Variants in TMEM38B observed in about 807,000 individuals in gnomAD.
TMEM38B encodes transmembrane protein 38B.
Under a neutral mutation model 28.7 loss-of-function variants are expected in TMEM38B, and 24 were observed. The observed-to-expected ratio is 0.84, with a 90% confidence interval of 0.61 to 1.18. TMEM38B has a LOEUF of 1.18. TMEM38B is among the 50% of genes most tolerant of loss of function. TMEM38B has a pLI of 0.00. For synonymous variants in TMEM38B, 131 were observed against 127.7 expected (o/e 1.03, Z -0.17); for missense variants, 380 against 350.9 (o/e 1.08, Z -0.66).
intron 2 of TMEM38B, among the ~76,000 whole-genome samples, chr9:105,706,473 T>G (rs112986889): frequency 1.3e-3 from 200 of 152,282 alleles, no homozygotes; most frequent in African/African-American, 4.6e-3. Flanking sequence ...AGCTGGGCCT[T>G]GAATAAAGAC....
intron 2 of TMEM38B, among the ~76,000 whole-genome samples, chr9:105,713,845 C>A (rs761060994): frequency 6.6e-6 from 1 of 152,184 alleles, no homozygotes; most frequent in Non-Finnish European, 1.5e-5. Flanking sequence ...CCCATAAAAG[C>A]TCTGGGCTCA....
intron 5 of TMEM38B, among the ~76,000 whole-genome samples, chr9:105,753,027 C>T (rs913082834): frequency 2.0e-5 from 3 of 151,992 alleles, no homozygotes; most frequent in Non-Finnish European, 4.4e-5. Flanking sequence ...AATGCAATCA[C>T]GAGTATCAAC....
At chr9:105,754,892 C>T (rs1372428507) in intron 5 of TMEM38B, among the ~76,000 whole-genome samples, 2 of 151,998 alleles carry the variant, frequency 1.3e-5, no homozygotes, top group Non-Finnish European at 2.9e-5. Flanking sequence ...TAAAGAAAAA[C>T]AGAGAAGAAT....
chr9:105,740,541 C>G (rs926100959), intron 4 of TMEM38B, among the ~76,000 whole-genome samples: 4 of 152,094 alleles, frequency 2.6e-5, no homozygotes, highest in African/African-American at 9.7e-5. Flanking sequence ...GCTGGAATTA[C>G]AAGCGTGAGC....
At chr9:105,725,669 G>A (rs976162072) in intron 4 of TMEM38B, among the ~76,000 whole-genome samples, 2 of 152,006 alleles carry the variant, frequency 1.3e-5, no homozygotes, top group South Asian at 2.1e-4. Context: ...CAATTTTAAC[G>A]TAGTAGTAGG....
chr9:105,744,042 T>C (rs1837298934), intron 4 of TMEM38B, among the ~76,000 whole-genome samples: 1 of 152,134 alleles, frequency 6.6e-6, no homozygotes, highest in African/African-American at 2.4e-5. Flanking sequence ...CATTTTCTTT[T>C]TTTTTATTTT....
Position 105,728,889 on chromosome 9 carries a change from G to T in TMEM38B, c.542+6268G>T, listed in dbSNP as rs545138063. 3.9e-5 allele frequency among the ~76,000 whole-genome samples: 6 copies of T among 152,186 alleles called. No homozygotes were observed. In the South Asian group the frequency reaches 1.2e-3, roughly 32 times the overall value. On this transcript the variant is annotated intron_variant, in intron 4 of 5. Transcript: ENST00000374692. ...GCATTAATGTCTTCTTTTGAGAAGG[G>T]TCTGTTCATATCCTTTGCCCACTTT...
intron 1 of TMEM38B, among the ~76,000 whole-genome samples, chr9:105,696,396 C>T (rs1835290063): frequency 6.6e-6 from 1 of 152,186 alleles, no homozygotes; most frequent in Admixed American, 6.5e-5. Flanking sequence ...TTAAGCGATT[C>T]TCCTGCCTCA....
chr9:105,718,286 T>C (rs935254461), intron 2 of TMEM38B, among the ~76,000 whole-genome samples: 1 of 152,020 alleles, frequency 6.6e-6, no homozygotes, highest in African/African-American at 2.4e-5. Flanking sequence ...TTGCCTAGGC[T>C]GGAGTGCAAT....
intron 5 of TMEM38B, chr9:105,759,964 C>T: frequency 1.3e-6 from 2 of 1,563,156 alleles, no homozygotes; most frequent in Non-Finnish European, 1.8e-6. Flanking sequence ...AACAGCTATG[C>T]AAAGTGAACT....
At chr9:105,710,806 G>GAAGGCTGCGTGTCTC in intron 2 of TMEM38B, 1 of 437,846 alleles carries the variant, frequency 2.3e-6, no homozygotes. Context: ...TCCACTGGGT[G>GAAGGCTGCGTGTCTC]CACTAACGGG....
chr9:105,749,613 G>C (rs1382933191), intron 5 of TMEM38B, among the ~76,000 whole-genome samples: 1 of 149,428 alleles, frequency 6.7e-6, no homozygotes, highest in African/African-American at 2.5e-5. Flanking sequence ...TAATTGAATA[G>C]TTTTTTAGTA....
At chr9:105,759,395 C>G (rs947931969) in intron 5 of TMEM38B, 23 of 1,476,762 alleles carry the variant, frequency 1.6e-5, no homozygotes, top group Non-Finnish European at 2.0e-5. Context: ...GAATAAGATT[C>G]TACTGAGAGA....
chr9:105,702,108 C>T (rs1588384348), intron 1 of TMEM38B, among the ~76,000 whole-genome samples: 4 of 152,172 alleles, frequency 2.6e-5, no homozygotes, highest in African/African-American at 2.4e-5. Context: ...TCTAAAACTC[C>T]TTGAATTGTG....
At chr9:105,740,524 C>T (rs1837162577) in intron 4 of TMEM38B, among the ~76,000 whole-genome samples, 1 of 152,082 alleles carries the variant, frequency 6.6e-6, no homozygotes, top group Admixed American at 6.6e-5. Context: ...TCTTAGCCTC[C>T]CAAAGTGCTG....
chr9:105,758,956 TA>T, intron 5 of TMEM38B: 1 of 1,352,106 alleles, frequency 7.4e-7, no homozygotes, highest in Non-Finnish European at 1.1e-6. Flanking sequence ...GAAGAAGTCA[TA>T]AATCCAAAAC....
chr9:105,755,322 C>T (rs1837798323), intron 5 of TMEM38B, among the ~76,000 whole-genome samples: 1 of 152,046 alleles, frequency 6.6e-6, no homozygotes, highest in Admixed American at 6.6e-5. Flanking sequence ...GGGAGAGCAT[C>T]AGAAAAATAG....
rs1411772141 is a variant in TMEM38B at position 105,705,663 on chromosome 9, G to T, written c.179G>T (p.Gly60Val). The T allele has an allele frequency of 3.7e-6, 6 of 1,613,936 alleles. No homozygotes were observed. The highest frequency in any genetic ancestry group is 1.3e-5 in the African/African-American group (1 of 74,900). The change falls in exon 2 of 6, where the codon GGT becomes GTT. Residue 60 changes from glycine (G) to valine (V), a missense_variant. Coordinates refer to ENST00000374692, the MANE Select transcript of TMEM38B (RefSeq NM_018112.3). Reference sequence around the variant, plus strand: ...TTTACTGCTATGCTCCACTGTTTTGGTGGAGGAATTTTATCCTGTCTACTG... The same window carrying T: ...TTTACTGCTATGCTCCACTGTTTTGTTGGAGGAATTTTATCCTGTCTACTG... Reference protein sequence around the residue: ...SWFTAMLHCFGGGILSCLLLA... With the variant: ...SWFTAMLHCFVGGILSCLLLA...
chr9:105,710,142 C>T (rs1191379290), intron 2 of TMEM38B: 1 of 227,592 alleles, frequency 4.4e-6, no homozygotes, highest in Admixed American at 5.4e-5. Context: ...AGACCAGAGT[C>T]AAAATATTTG....
Sources: gnomAD v4.1 joint callset for allele counts (sites outside exome capture counted in the v4.1 genomes callset) on GRCh38, gnomAD v4.1.1 for gene constraint, MANE v1.5 for transcripts, NCBI Gene and HGNC (gene_info 2026-07-23, HGNC 2026-07-21) for gene names.